NIN: variants seen among roughly 807,000 people sequenced by gnomAD.
The protein encoded by NIN is glycogen synthase kinase 3 beta-interacting protein.
In NIN, 137 loss-of-function variants were observed where a neutral mutation model predicts 257.6. The observed-to-expected ratio is 0.53, with a 90% CI of 0.46 to 0.61. The LOEUF is 0.61. Among genes scored for constraint, NIN ranks in the 20% least tolerant of loss-of-function variants. The probability of loss-of-function intolerance (pLI) is 0.00; values close to 1 mark genes in which losing one functional copy is unlikely to be tolerated. For synonymous variants in NIN, 918 were observed against 919.8 expected, an observed-to-expected ratio of 1.00 and a Z score of 0.04; for missense variants, 2,439 against 2,501.2, an observed-to-expected ratio of 0.98 and a Z score of 0.53.
chr14:50,822,427 T>C (rs766352582), intron 2 of NIN, among the ~76,000 whole-genome samples: 1 of 152,202 alleles, frequency 6.6e-6, no homozygotes, highest in Admixed American at 6.5e-5. Context: ...GGTGGTTCTC[T>C]CCCAGCTCTT....
chr14:50,743,210 T>A (rs1403648235), intron 24 of NIN, among the ~76,000 whole-genome samples: 1 of 152,008 alleles, frequency 6.6e-6, no homozygotes, highest in Non-Finnish European at 1.5e-5. Flanking sequence ...CCTCAAGTGA[T>A]CTGCTCACCT....
intron 10 of NIN, 31 bp from the exon 11 acceptor site, chr14:50,771,023 A>C (rs746886956): frequency 6.2e-7 from 1 of 1,604,100 alleles, no homozygotes; most frequent in South Asian, 1.1e-5. Context: ...AGTTAATGGG[A>C]AACTGTTTCT....
chr14:50,729,797 G>C (rs557260523), intron 28 of NIN, 74 bp from the exon 29 acceptor site: 3 of 1,183,508 alleles, frequency 2.5e-6, no homozygotes, highest in Non-Finnish European at 3.5e-6. Context: ...GTGTCAGGCA[G>C]TGAGTAATGA....
At position 50,757,623 on chromosome 14, in the gene NIN, T is replaced by C; in HGVS notation, c.3407A>G (p.Glu1136Gly). The C allele has an allele frequency of 6.2e-7, 1 of 1,614,166 alleles. No homozygotes were observed. The highest frequency in any genetic ancestry group is 8.5e-7 in the Non-Finnish European group (1 of 1,180,024). The stretch of plus-strand genomic sequence containing the variant: ...TAGGACATGCCGCCTGGTCACACCT[T>C]CTACTTGCTTCGTTCGGTTTTGCTG... ...FLQQNRTKQV[E>G]GVTRRHVLSD... The change falls in exon 18 of 31, where the codon GAA becomes GGA. Residue 1136 changes from glutamate to glycine, a missense_variant. By Grantham distance (98) the Glu-to-Gly change is moderately conservative. Around this residue, in one of 3 missense-constraint regions of NIN, gnomAD observed 2,043 missense variants for 2,050.2 expected, o/e 1.00. Transcript: ENST00000530997.
intron 27 of NIN, among the ~76,000 whole-genome samples, chr14:50,737,204 C>T (rs889674797): frequency 2.6e-5 from 4 of 152,148 alleles, no homozygotes; most frequent in African/African-American, 9.7e-5. Flanking sequence ...TGTTTCATCA[C>T]TCCTTCTGGG....
intron 28 of NIN, among the ~76,000 whole-genome samples, chr14:50,730,596 T>C (rs2040643783): frequency 6.6e-6 from 1 of 150,924 alleles, no homozygotes; most frequent in Non-Finnish European, 1.5e-5. Context: ...TTTCCTTATA[T>C]CTAAATTTCT....
intron 3 of NIN, among the ~76,000 whole-genome samples, chr14:50,812,433 A>T (rs1174248572): frequency 6.6e-6 from 1 of 152,216 alleles, no homozygotes; most frequent in Non-Finnish European, 1.5e-5. Flanking sequence ...CGAAGCCACC[A>T]GGTGTAAAGC....
At chr14:50,728,118 ATTTTT>A (rs113050788) in intron 29 of NIN, among the ~76,000 whole-genome samples, 1 of 151,638 alleles carries the variant, frequency 6.6e-6, no homozygotes, top group East Asian at 1.9e-4. Flanking sequence ...GGAAAAGGAT[ATTTTT>A]TTTAACATTG....
intron 28 of NIN, among the ~76,000 whole-genome samples, chr14:50,731,755 G>A (rs1391673156): frequency 6.6e-6 from 1 of 152,166 alleles, no homozygotes. Flanking sequence ...GAATCCGGGA[G>A]GCAGAGGTTG....
In NIN at chr14:50,766,780, C is replaced by G; in HGVS notation, c.1545G>C (p.Lys515Asn). The G allele has an allele frequency of 6.2e-7, 1 of 1,603,598 alleles. No homozygotes were observed. Among genetic ancestry groups the G allele is most frequent in the Non-Finnish European group, 8.5e-7 (1 of 1,170,628 alleles). ...GGAAATGAGATTTGAACAGGTTTAC[C>G]TTTTCTGCTAACACATTTTCCAAAT... ...QRNLENVLAE[K>N]FGDLDPSSAE... is the part of the protein sequence containing the mutation. Residue 515 changes from lysine (K) to asparagine (N), a missense_variant and splice_region_variant, in exon 13 of 31, where the codon AAG (lysine) becomes AAC (asparagine). This residue lies in a region of NIN where 2,043 missense variants were observed against 2,050.2 expected (regional missense o/e 1.00). Coordinates refer to ENST00000530997, the MANE Select transcript of NIN (RefSeq NM_020921.4).
intron 3 of NIN, among the ~76,000 whole-genome samples, chr14:50,817,022 A>T (rs971429351): frequency 6.6e-6 from 1 of 152,210 alleles, no homozygotes; most frequent in African/African-American, 2.4e-5. Context: ...TTGTTTATCA[A>T]TGGGGAACCA....
rs771307053 is a variant in NIN, at chr14:50,758,298, T to C, written c.2732A>G (p.Glu911Gly). Reference protein sequence around the residue: ...YKEHLNSMVVERQQLLQDLED... With the variant: ...YKEHLNSMVVGRQQLLQDLED... ...CAGGTCTTGGAGTAGCTGCTGTCTCTCGACGACCATGCTGTTCAAATGTTC... is the reference window on the plus strand; with the variant it reads ...CAGGTCTTGGAGTAGCTGCTGTCTCCCGACGACCATGCTGTTCAAATGTTC... The change falls in exon 18 of 31, where the codon GAG (glutamate) becomes GGG (glycine). Residue 911 changes from glutamate (E) to glycine (G), a missense_variant. Physicochemically the swap from Glu to Gly is moderately conservative, Grantham distance 98. Coordinates refer to ENST00000530997, the MANE Select transcript of NIN (RefSeq NM_020921.4). 1 of 1,614,260 alleles carries C rather than the reference T, an allele frequency of 6.2e-7. No individual in the cohort carries two copies. The highest frequency in any genetic ancestry group is 8.5e-7 in the Non-Finnish European group (1 of 1,180,052).
intron 4 of NIN, among the ~76,000 whole-genome samples, chr14:50,803,212 G>A (rs2044172655): frequency 6.6e-6 from 1 of 152,174 alleles, no homozygotes; most frequent in Admixed American, 6.5e-5. Context: ...AAATGAGCCA[G>A]GCGTAGTGGT....
At chr14:50,819,679 TACAGGAATG>T (rs1336242789) in intron 3 of NIN, among the ~76,000 whole-genome samples, 40 of 152,360 alleles carry the variant, frequency 2.6e-4, no homozygotes, top group Non-Finnish European at 1.0e-4. Context: ...GCCATGAGAC[TACAGGAATG>T]CCTGACAGGC....
intron 7 of NIN, among the ~76,000 whole-genome samples, chr14:50,773,557 C>T (rs552790595): frequency 2.0e-5 from 3 of 152,266 alleles, no homozygotes; most frequent in African/African-American, 7.2e-5. Context: ...GCTAGCACAG[C>T]AGAATTTGGT....
intron 25 of NIN, among the ~76,000 whole-genome samples, chr14:50,740,202 T>C (rs981908711): frequency 2.0e-4 from 30 of 152,050 alleles, no homozygotes; most frequent in African/African-American, 6.3e-4. Context: ...CTTTTTTTTT[T>C]TTGAGACAGA....
chr14:50,800,914 C>A (rs2044071838), intron 4 of NIN, among the ~76,000 whole-genome samples: 2 of 151,826 alleles, frequency 1.3e-5, no homozygotes, highest in South Asian at 4.1e-4. Flanking sequence ...TCCTGAGTAT[C>A]TGGCATTACA....
chr14:50,798,532 T>G (rs1157190460), intron 4 of NIN, among the ~76,000 whole-genome samples: 1 of 152,204 alleles, frequency 6.6e-6, no homozygotes, highest in Non-Finnish European at 1.5e-5. Flanking sequence ...AATCTTTGAG[T>G]TGATAATGAT....
chr14:50,799,276 G>A (rs2043977150), intron 4 of NIN, among the ~76,000 whole-genome samples: 1 of 152,146 alleles, frequency 6.6e-6, no homozygotes, highest in Non-Finnish European at 1.5e-5. Context: ...GGCGCTTCAT[G>A]GAGTAAGGTC....
Sources: gnomAD v4.1 joint callset for allele counts (sites outside exome capture counted in the v4.1 genomes callset) on GRCh38, gnomAD v4.1.1 for gene constraint, gnomAD v4.1.1 regional missense constraint, MANE v1.5 for transcripts, NCBI Gene and HGNC (gene_info 2026-07-23, HGNC 2026-07-21) for gene names.